ANKRD17: variants seen among roughly 807,000 people sequenced by gnomAD.
ANKRD17 encodes the protein ankyrin repeat domain-containing protein 17.
ANKRD17 carries 19 observed loss-of-function variants against 229.7 expected under a neutral mutation model. That is an observed-to-expected ratio of 0.08 (90% CI 0.06 to 0.12). The LOEUF (loss-of-function observed/expected upper bound fraction) is 0.12. ANKRD17 is among the 10% of genes least tolerant of loss of function. The probability of loss-of-function intolerance (pLI) is 1.00; values close to 1 mark genes in which losing one functional copy is unlikely to be tolerated. For missense variants in ANKRD17, 2,176 were observed against 3,176.8 expected, an observed-to-expected ratio of 0.68 and a Z score of 7.57; for synonymous variants, 1,112 against 1,146.1, an observed-to-expected ratio of 0.97 and a Z score of 0.60.
intron 28 of ANKRD17, among the ~76,000 whole-genome samples, chr4:73,092,642 C>T (rs542940880): frequency 2.0e-5 from 3 of 152,220 alleles, no homozygotes; most frequent in African/African-American, 7.2e-5. Context: ...AACCACTGCA[C>T]ATAAAAGCCT....
In ANKRD17 at chr4:73,229,454, T is replaced by C. The variant is rs192356361; in HGVS notation, c.393+28822A>G. On this transcript the variant is annotated intron_variant, in intron 1 of 33. Coordinates refer to ENST00000358602, the MANE Select transcript of ANKRD17 (RefSeq NM_032217.5). Reference sequence around the variant, plus strand: ...ATCAATATTAGTTTTAAATCATGTATCCAGATTTATTCTTAGTTCATCATT... The same window carrying C: ...ATCAATATTAGTTTTAAATCATGTACCCAGATTTATTCTTAGTTCATCATT... Among the ~76,000 whole-genome samples the C allele has an allele frequency of 3.7e-3, 562 of 152,174 alleles. 4 individuals are homozygous for C. The highest frequency in any genetic ancestry group is 6.1e-3 in the Non-Finnish European group (412 of 68,002).
intron 1 of ANKRD17, among the ~76,000 whole-genome samples, chr4:73,221,758 CT>C (rs1266886527): frequency 6.6e-6 from 1 of 152,084 alleles, no homozygotes; most frequent in African/African-American, 2.4e-5. Flanking sequence ...CACAATTCAA[CT>C]TAGACCTAAC....
intron 10 of ANKRD17, among the ~76,000 whole-genome samples, chr4:73,145,881 T>C (rs1036366640): frequency 6.6e-6 from 1 of 152,130 alleles, no homozygotes; most frequent in African/African-American, 2.4e-5. Context: ...TTATTAAGTT[T>C]ATAAAATTAA....
intron 30 of ANKRD17, among the ~76,000 whole-genome samples, chr4:73,079,229 G>A (rs1192367277): frequency 2.0e-5 from 3 of 152,086 alleles, no homozygotes; most frequent in African/African-American, 7.2e-5. Context: ...AATGGAGATG[G>A]GTAAGAATCA....
rs762523913 is a variant in ANKRD17 at position 73,085,321 on chromosome 4, C to A, written c.7087G>T (p.Ala2363Ser). Residue 2363 changes from alanine to serine, a missense_variant, in exon 30 of 34, where the codon GCA becomes TCA. Ala to Ser is a moderately conservative substitution (Grantham distance 99). Coordinates refer to ENST00000358602, the MANE Select transcript of ANKRD17 (RefSeq NM_032217.5). ...GPGAPLGGAP[A>S]AANFNRQHFS... ...TGTTGTCTGTTAAAGTTAGCAGCTGCGGGTGCTCCTCCAAGGGGTGCCCCA... is the reference window on the plus strand; with the variant it reads ...TGTTGTCTGTTAAAGTTAGCAGCTGAGGGTGCTCCTCCAAGGGGTGCCCCA... 2.5e-6 allele frequency: 4 copies of A among 1,614,090 alleles called. No homozygotes were observed. Among genetic ancestry groups the A allele is most frequent in the East Asian group, 2.2e-5 (1 of 44,872 alleles).
intron 25 of ANKRD17, chr4:73,100,803 T>C (rs1187300357): frequency 2.1e-6 from 2 of 974,600 alleles, no homozygotes; most frequent in Admixed American, 1.2e-4. Flanking sequence ...CAAAATAAAA[T>C]GCTGGAGAAG....
intron 1 of ANKRD17, among the ~76,000 whole-genome samples, chr4:73,197,325 C>T (rs1037540476): frequency 1.3e-5 from 2 of 152,118 alleles, no homozygotes; most frequent in Non-Finnish European, 2.9e-5. Flanking sequence ...GCAATAAATG[C>T]AATGTGATAA....
chr4:73,153,965 G>A lies in ANKRD17; in HGVS notation c.1149C>T (p.Ala383=), dbSNP rs548061776. The A allele has an allele frequency of 1.2e-6, 2 of 1,613,484 alleles. No individual in the cohort carries two copies. Among genetic ancestry groups the A allele is most frequent in the East Asian group, 4.5e-5 (2 of 44,862 alleles). The change falls in exon 6 of 34, where the codon GCC becomes GCT. Residue 383 remains alanine, a synonymous_variant. Coordinates refer to ENST00000358602, the MANE Select transcript of ANKRD17 (RefSeq NM_032217.5). The part of the protein sequence containing the change: ...EAGSAGHVEV[A]RLLLENGAGI... ...CAGCCCCATTTTCTAGCAGCAATCTGGCTACTTCCACATGTCCAGCACTTC... is the reference window on the plus strand; with the variant it reads ...CAGCCCCATTTTCTAGCAGCAATCTAGCTACTTCCACATGTCCAGCACTTC...
chr4:73,079,566 A>G (rs1207767154), intron 30 of ANKRD17, among the ~76,000 whole-genome samples: 3 of 152,150 alleles, frequency 2.0e-5, no homozygotes, highest in Non-Finnish European at 2.9e-5. Context: ...TTTAAAAAAA[A>G]AAAGTTTCTT....
At chr4:73,077,258 CTT>C in intron 32 of ANKRD17, 95 bp downstream of exon 32, 3 of 1,341,726 alleles carry the variant, frequency 2.2e-6, no homozygotes, top group Non-Finnish European at 3.0e-6. Context: ...CATTATATAA[CTT>C]ATTTTAACAT....
intron 1 of ANKRD17, among the ~76,000 whole-genome samples, chr4:73,194,677 T>C (rs979937773): frequency 1.3e-5 from 2 of 152,154 alleles, no homozygotes; most frequent in African/African-American, 2.4e-5. Flanking sequence ...ATATATACTA[T>C]ACATTGTAGT....
chr4:73,131,960 T>C (rs1728259571), intron 16 of ANKRD17, among the ~76,000 whole-genome samples: 1 of 152,170 alleles, frequency 6.6e-6, no homozygotes, highest in African/African-American at 2.4e-5. Context: ...CACAGTATTA[T>C]CACACATAAT....
intron 9 of ANKRD17, 121 bp downstream of exon 9, chr4:73,147,120 T>C (rs1157486220): frequency 1.1e-6 from 1 of 942,680 alleles, no homozygotes; most frequent in Non-Finnish European, 1.6e-6. Context: ...CAAAGGTATA[T>C]CACACGTTTT....
chr4:73,185,416 G>C (rs1330300963), intron 1 of ANKRD17, among the ~76,000 whole-genome samples: 1 of 151,686 alleles, frequency 6.6e-6, no homozygotes, highest in Non-Finnish European at 1.5e-5. Context: ...TCTAAATTTT[G>C]ACTATATTAT....
intron 1 of ANKRD17, among the ~76,000 whole-genome samples, chr4:73,242,584 T>C (rs1179518920): frequency 1.3e-5 from 2 of 152,174 alleles, no homozygotes; most frequent in African/African-American, 2.4e-5. Context: ...CATGGTCACG[T>C]ACAAAAGATG....
At chr4:73,132,388 C>A (rs1005283718) in intron 16 of ANKRD17, among the ~76,000 whole-genome samples, 1 of 152,062 alleles carries the variant, frequency 6.6e-6, no homozygotes, top group Non-Finnish European at 1.5e-5. Flanking sequence ...GCATTACAGG[C>A]GTGAGCCACC....
chr4:73,208,188 CAA>C (rs36126530), intron 1 of ANKRD17, among the ~76,000 whole-genome samples: 2 of 67,960 alleles, frequency 2.9e-5, no homozygotes, highest in Non-Finnish European at 2.7e-5. Flanking sequence ...GACTCCGTCT[CAA>C]AAAAAAAAAA....
intron 2 of ANKRD17, among the ~76,000 whole-genome samples, chr4:73,169,436 C>T (rs1194825923): frequency 2.0e-5 from 3 of 151,940 alleles, no homozygotes; most frequent in South Asian, 2.1e-4. Flanking sequence ...CATCTCTAGA[C>T]CAACTCAGGG....
At chr4:73,138,918 G>C (rs1729255756) in intron 15 of ANKRD17, among the ~76,000 whole-genome samples, 1 of 151,996 alleles carries the variant, frequency 6.6e-6, no homozygotes, top group African/African-American at 2.4e-5. Context: ...GATACTTTCA[G>C]GGGGGCCACA....
Sources: gnomAD v4.1 joint callset for allele counts (sites outside exome capture counted in the v4.1 genomes callset) on GRCh38, gnomAD v4.1.1 for gene constraint, MANE v1.5 for transcripts, NCBI Gene and HGNC (gene_info 2026-07-23, HGNC 2026-07-21) for gene names.